The following TENM3 variants were observed in gnomAD, a reference collection of about 807,000 sequenced individuals.
TENM3 encodes teneurin-3.
A neutral mutation model predicts 255.1 loss-of-function variants in TENM3; 63 were observed. That is an observed-to-expected ratio of 0.25 (90% CI 0.20 to 0.30). TENM3 has a LOEUF of 0.30. Among genes scored for constraint, TENM3 ranks in the 10% least tolerant of loss-of-function variants. The pLI is 1.00. For synonymous variants in TENM3, 1,306 were observed against 1,322.3 expected, an observed-to-expected ratio of 0.99 and a Z score of 0.27; for missense variants, 2,929 against 3,461.1, an observed-to-expected ratio of 0.85 and a Z score of 3.86.
chr4:182,454,998 T>G (rs987434310), intron 3 of TENM3, among the ~76,000 whole-genome samples: 8 of 152,200 alleles, frequency 5.3e-5, no homozygotes, highest in African/African-American at 1.7e-4. Context: ...AGTATGAATC[T>G]TTTTATCATA....
the TENM3 span, among the ~76,000 whole-genome samples, chr4:181,690,833 C>T: frequency 6.6e-6 from 1 of 152,104 alleles, no homozygotes; most frequent in Non-Finnish European, 1.5e-5. Flanking sequence ...GGTATGTTCT[C>T]TTCTTGTCAT....
chr4:182,552,516 G>C (rs1461705066), intron 3 of TENM3, among the ~76,000 whole-genome samples: 1 of 152,164 alleles, frequency 6.6e-6, no homozygotes, highest in Non-Finnish European at 1.5e-5. Flanking sequence ...CAGTTTTGCT[G>C]TACCATTCTG....
At chr4:182,165,834 G>A (rs1377096937) in intron 1 of TENM3, among the ~76,000 whole-genome samples, 1 of 152,126 alleles carries the variant, frequency 6.6e-6, no homozygotes, top group African/African-American at 2.4e-5. Context: ...GGAGTGCAGT[G>A]GCGTGCTCTC....
At chr4:182,333,019 C>A (rs1344696470) in intron 2 of TENM3, among the ~76,000 whole-genome samples, 1 of 152,100 alleles carries the variant, frequency 6.6e-6, no homozygotes, top group African/African-American at 2.4e-5. Flanking sequence ...GAAGATGGAG[C>A]AAACTTGTCA....
chr4:182,582,874 G>A (rs1745638754), intron 3 of TENM3, among the ~76,000 whole-genome samples: 1 of 152,154 alleles, frequency 6.6e-6, no homozygotes, highest in Admixed American at 6.5e-5. Flanking sequence ...CAGAAGTAAT[G>A]AGAATCGCAG....
chr4:182,235,825 C>T (rs529169862), intron 1 of TENM3, among the ~76,000 whole-genome samples: 2 of 152,308 alleles, frequency 1.3e-5, no homozygotes, highest in South Asian at 4.1e-4. Flanking sequence ...GGCAGTGAAC[C>T]ATTTAGGAAA....
the TENM3 span, among the ~76,000 whole-genome samples, chr4:181,477,218 A>T: frequency 6.6e-6 from 1 of 152,162 alleles, no homozygotes; most frequent in Non-Finnish European, 1.5e-5. Flanking sequence ...AAATGCTCCT[A>T]TGATCTAGTG....
At chr4:182,073,501 A>G in the TENM3 span, among the ~76,000 whole-genome samples, 1 of 152,124 alleles carries the variant, frequency 6.6e-6, no homozygotes, top group Non-Finnish European at 1.5e-5. Flanking sequence ...CAGCCTTCAG[A>G]ACTGTGAGAA....
the TENM3 span, among the ~76,000 whole-genome samples, chr4:182,072,660 G>A: frequency 2.4e-3 from 358 of 152,186 alleles, 1 homozygote; most frequent in Non-Finnish European, 3.9e-3. Context: ...CTCATCAAAC[G>A]TATCATGAGG....
At chr4:182,420,155 T>C (rs1042057380) in intron 3 of TENM3, among the ~76,000 whole-genome samples, 6 of 152,138 alleles carry the variant, frequency 3.9e-5, no homozygotes, top group Non-Finnish European at 7.3e-5. Context: ...GTTATAATTG[T>C]GCCCTATCTG....
At chr4:181,872,202 G>A in the TENM3 span, among the ~76,000 whole-genome samples, 10 of 151,572 alleles carry the variant, frequency 6.6e-5, no homozygotes, top group African/African-American at 2.4e-4. Context: ...AATTATCTTG[G>A]TGGGGAGCTT....
chr4:182,047,034 G>A, the TENM3 span, among the ~76,000 whole-genome samples: 1 of 151,880 alleles, frequency 6.6e-6, no homozygotes, highest in African/African-American at 2.4e-5. Context: ...TCTAGGAAAT[G>A]TAGCCAATTG....
In TENM3 at chr4:182,751,081, A is replaced by G. The variant is rs181754772; in HGVS notation, c.3630-719A>G. Among the ~76,000 whole-genome samples, 158 of 152,320 alleles carry G rather than the reference A, an allele frequency of 1.0e-3. 1 individual carries two copies. The highest frequency in any genetic ancestry group is 3.7e-3 in the African/African-American group (153 of 41,560). Reference sequence around the variant, plus strand: ...TATATTTATAAAACTGAGGCACTACATTTTGTATGTCACTACATTCATAGA... The same window carrying G: ...TATATTTATAAAACTGAGGCACTACGTTTTGTATGTCACTACATTCATAGA... On this transcript the variant is annotated intron_variant, in intron 19 of 27. Transcript: ENST00000511685.
intron 1 of TENM3, among the ~76,000 whole-genome samples, chr4:182,288,910 T>G (rs1760922023): frequency 6.6e-6 from 1 of 152,142 alleles, no homozygotes; most frequent in African/African-American, 2.4e-5. Context: ...CTAAGCAATT[T>G]AACTGGCCAC....
chr4:182,490,541 G>A (rs1735195431), intron 3 of TENM3, among the ~76,000 whole-genome samples: 1 of 152,136 alleles, frequency 6.6e-6, no homozygotes, highest in African/African-American at 2.4e-5. Flanking sequence ...CGTGCATACA[G>A]ATGTCAGATT....
intron 3 of TENM3, among the ~76,000 whole-genome samples, chr4:182,430,145 T>C (rs1211572077): frequency 6.6e-6 from 1 of 152,174 alleles, no homozygotes; most frequent in Non-Finnish European, 1.5e-5. Flanking sequence ...AAAAAACATT[T>C]GATTCATTTG....
Position 182,637,049 on chromosome 4 carries a change from G to C in TENM3, c.988+8160G>C, listed in dbSNP as rs146394786. ...GCATATGTCATTTGCTTTTACATTA[G>C]TGGTACTAACAGCGGCATATTCAGA... is the stretch of plus-strand genomic sequence containing the variant. On this transcript the variant is annotated intron_variant, in intron 5 of 27. Transcript: ENST00000511685. Among the ~76,000 whole-genome samples, 297 of 152,226 alleles carry C rather than the reference G, an allele frequency of 2.0e-3. 1 individual carries two copies. The highest frequency in any genetic ancestry group is 6.8e-3 in the African/African-American group (284 of 41,528).
At chr4:181,832,371 T>C in the TENM3 span, among the ~76,000 whole-genome samples, 11,938 of 152,270 alleles carry the variant, frequency 0.078, 647 homozygotes, top group East Asian at 0.18. Context: ...GGGTTTCTTT[T>C]GTTTCCCTGC....
intron 10 of TENM3, among the ~76,000 whole-genome samples, 165 bp downstream of exon 10, chr4:182,680,902 A>G (rs1279758110): frequency 1.3e-5 from 2 of 152,228 alleles, no homozygotes; most frequent in Non-Finnish European, 2.9e-5. Flanking sequence ...TTTAACTAAT[A>G]AAAAGAACAA....
Sources: allele counts gnomAD v4.1 joint callset (sites outside exome capture counted in the v4.1 genomes callset), GRCh38; gene constraint gnomAD v4.1.1; transcripts MANE v1.5; gene names NCBI Gene and HGNC (gene_info 2026-07-23, HGNC 2026-07-21).